Variants in ENOX2 observed in about 807,000 individuals in gnomAD.
The protein encoded by ENOX2 is APK1 antigen.
In ENOX2, 36 loss-of-function variants were observed where a neutral mutation model predicts 45.0. The ratio of observed to expected loss-of-function variants is 0.80; its 90% CI spans 0.61 to 1.06. ENOX2 has a LOEUF of 1.06. ENOX2 is among the 50% of genes least tolerant of loss of function. ENOX2 has a pLI of 0.00. For synonymous variants in ENOX2, 174 were observed against 152.3 expected (o/e 1.14, Z -1.05); for missense variants, 423 against 462.5 (o/e 0.91, Z 0.78).
chrX:130,853,320 C>T (rs2078246857), intron 2 of ENOX2, among the ~76,000 whole-genome samples: 1 of 108,288 alleles, frequency 9.2e-6, no homozygotes, highest in Admixed American at 9.8e-5. Flanking sequence ...AAAAGTTAGC[C>T]GGGCGTAGTG....
At chrX:130,629,707 T>C (rs1206605642) in intron 13 of ENOX2, among the ~76,000 whole-genome samples, 2 of 112,371 alleles carry the variant, frequency 1.8e-5, no homozygotes, top group African/African-American at 6.5e-5. Context: ...CTTAAAAATA[T>C]GCAGAAGCCA....
At chrX:130,785,235 G>A (rs920565533) in intron 2 of ENOX2, among the ~76,000 whole-genome samples, 26 of 106,272 alleles carry the variant, frequency 2.4e-4, no homozygotes, top group Middle Eastern at 4.6e-3. Context: ...TGAGGCAGGA[G>A]AATCGCTTGC....
chrX:130,846,689 T>C (rs1227647981), intron 2 of ENOX2, among the ~76,000 whole-genome samples: 1 of 112,926 alleles, frequency 8.9e-6, no homozygotes, highest in African/African-American at 3.2e-5. Context: ...AAGATTTGTT[T>C]CTACAAATAT....
intron 3 of ENOX2, among the ~76,000 whole-genome samples, chrX:130,779,089 C>A (rs1416096473): frequency 8.9e-6 from 1 of 112,594 alleles, no homozygotes; most frequent in Non-Finnish European, 1.9e-5. Context: ...AGATGGCTCT[C>A]AAACCAGGAG....
intron 3 of ENOX2, among the ~76,000 whole-genome samples, chrX:130,714,771 A>T (rs1403428798): frequency 9.0e-6 from 1 of 111,731 alleles, no homozygotes; most frequent in East Asian, 2.8e-4. Flanking sequence ...TATGAAAACA[A>T]AAACTACTGT....
At chrX:130,815,678 T>A (rs1432409490) in intron 2 of ENOX2, among the ~76,000 whole-genome samples, 1 of 111,874 alleles carries the variant, frequency 8.9e-6, no homozygotes, top group Non-Finnish European at 1.9e-5. Context: ...AATAAAATCC[T>A]TTAAAGACAA....
At chrX:130,640,751 G>A (rs184941777) in intron 10 of ENOX2, among the ~76,000 whole-genome samples, 35 of 111,020 alleles carry the variant, frequency 3.2e-4, no homozygotes, top group African/African-American at 1.1e-3. Context: ...GGGGCTTGTT[G>A]GAGGGTAGGG....
intron 2 of ENOX2, among the ~76,000 whole-genome samples, chrX:130,901,088 G>C (rs1468326863): frequency 2.7e-5 from 3 of 112,912 alleles, no homozygotes; most frequent in Non-Finnish European, 5.6e-5. Flanking sequence ...ATTAGCTACA[G>C]TTGCAATGAC....
At chrX:130,716,642 C>T (rs934327562) in intron 3 of ENOX2, among the ~76,000 whole-genome samples, 4 of 111,889 alleles carry the variant, frequency 3.6e-5, no homozygotes, top group African/African-American at 6.5e-5. Context: ...ACAGGACACC[C>T]GCTGTATCGG....
At chrX:130,771,749 A>C (rs1050846003) in intron 3 of ENOX2, among the ~76,000 whole-genome samples, 1 of 111,866 alleles carries the variant, frequency 8.9e-6, no homozygotes. Flanking sequence ...CCTTCTTCAG[A>C]AATCTTAGAA....
At chrX:130,894,241 G>T in intron 2 of ENOX2, among the ~76,000 whole-genome samples, 1 of 110,827 alleles carries the variant, frequency 9.0e-6, no homozygotes, top group Non-Finnish European at 1.9e-5. Context: ...CCCAGTAATG[G>T]GATTGCTTGG....
chrX:130,765,610 C>A (rs2039596196), intron 3 of ENOX2, among the ~76,000 whole-genome samples: 1 of 111,127 alleles, frequency 9.0e-6, no homozygotes, highest in South Asian at 3.8e-4. Context: ...TTTTATTAAT[C>A]TATTAATAAT....
chrX:130,772,334 T>G (rs755170464), intron 3 of ENOX2, among the ~76,000 whole-genome samples: 2 of 111,894 alleles, frequency 1.8e-5, no homozygotes, highest in South Asian at 7.6e-4. Context: ...GCTAATGTAA[T>G]TTAGGATGCA....
At chrX:130,652,935 C>T (rs914890633) in intron 10 of ENOX2, among the ~76,000 whole-genome samples, 2 of 112,381 alleles carry the variant, frequency 1.8e-5, no homozygotes, top group Non-Finnish European at 3.8e-5. Context: ...TGATCTCAGA[C>T]TTCTAGCTTC....
chrX:130,871,667 T>C (rs12011766), intron 2 of ENOX2, among the ~76,000 whole-genome samples: 2,504 of 110,875 alleles, frequency 0.023, 64 homozygotes, highest in African/African-American at 0.076. Context: ...CTTTATCCTA[T>C]CCCAACACTA....
chrX:130,655,754 C>T (rs753945934), intron 10 of ENOX2, among the ~76,000 whole-genome samples: 2 of 111,634 alleles, frequency 1.8e-5, no homozygotes, highest in East Asian at 2.8e-4. Flanking sequence ...TCTGCCTCAG[C>T]CTCCCGAGTA....
intron 7 of ENOX2, among the ~76,000 whole-genome samples, chrX:130,668,946 C>T (rs1161568265): frequency 2.7e-5 from 3 of 112,140 alleles, no homozygotes; most frequent in Non-Finnish European, 5.6e-5. Context: ...TTCAGCCTTT[C>T]CAGTTTTTCA....
intron 10 of ENOX2, among the ~76,000 whole-genome samples, chrX:130,653,404 G>A (rs747985497): frequency 1.5e-4 from 17 of 111,954 alleles, no homozygotes; most frequent in African/African-American, 5.2e-4. Flanking sequence ...TCTAAGGTTG[G>A]CATACATAGC....
chrX:130,888,039 AT>A (rs1312271975), intron 2 of ENOX2, among the ~76,000 whole-genome samples: 1 of 112,188 alleles, frequency 8.9e-6, no homozygotes, highest in Non-Finnish European at 1.9e-5. Context: ...CAAGAAGCTA[AT>A]TATTTTAAGG....
Sources: allele counts gnomAD v4.1 joint callset (sites outside exome capture counted in the v4.1 genomes callset), GRCh38; gene constraint gnomAD v4.1.1; transcripts MANE v1.5; gene names NCBI Gene and HGNC (gene_info 2026-07-23, HGNC 2026-07-21).